OR51B5: variants seen among roughly 807,000 people sequenced by gnomAD.
OR51B5 encodes olfactory receptor 51B5.
For synonymous variants in OR51B5, 186 were observed against 144.8 expected (o/e 1.28, Z -2.04); for missense variants, 456 against 374.6 (o/e 1.22, Z -1.79).
At chr11:5,344,155 G>A (rs375198462), upstream of OR51B5, among the ~76,000 whole-genome samples, 4 of 152,294 alleles carry the variant, frequency 2.6e-5, no homozygotes, top group East Asian at 3.9e-4. Flanking sequence ...CACGATTAGT[G>A]TGAATTACCC....
chr11:5,502,072 A>G (rs1034144573), intron 1 of OR51B5, among the ~76,000 whole-genome samples: 1 of 152,080 alleles, frequency 6.6e-6, no homozygotes, highest in Non-Finnish European at 1.5e-5. Flanking sequence ...TATCTCCAAA[A>G]TATGTTCTCA....
intron 1 of OR51B5, among the ~76,000 whole-genome samples, chr11:5,444,756 T>C (rs1850737549): frequency 1.3e-5 from 2 of 152,088 alleles, no homozygotes; most frequent in Admixed American, 1.3e-4. Context: ...GGAGGGACCA[T>C]GGAAATAACT....
At chr11:5,372,166 A>C (rs1408350992) in intron 1 of OR51B5, among the ~76,000 whole-genome samples, 1 of 152,182 alleles carries the variant, frequency 6.6e-6, no homozygotes, top group Non-Finnish European at 1.5e-5. Context: ...CTGTTCATCT[A>C]TATATAGATA....
At chr11:5,424,356 A>AAAACAAAC (rs575954424) in intron 1 of OR51B5, among the ~76,000 whole-genome samples, 15 of 150,858 alleles carry the variant, frequency 9.9e-5, no homozygotes, top group African/African-American at 3.6e-4. Context: ...AAACAAACAA[A>AAAACAAAC]AAACAAACAA....
At chr11:5,418,757 T>G (rs1850280478) in intron 1 of OR51B5, among the ~76,000 whole-genome samples, 1 of 151,776 alleles carries the variant, frequency 6.6e-6, no homozygotes, top group African/African-American at 2.4e-5. Context: ...AGGGATAGCA[T>G]TAGGAGAAAT....
chr11:5,472,817 T>C (rs1290348487), intron 1 of OR51B5, among the ~76,000 whole-genome samples: 4 of 152,178 alleles, frequency 2.6e-5, no homozygotes, highest in African/African-American at 9.7e-5. Flanking sequence ...TAGGGTTCTT[T>C]CCAGTAAGCA....
chr11:5,426,862 C>T (rs1414510529), intron 1 of OR51B5, among the ~76,000 whole-genome samples: 3 of 152,118 alleles, frequency 2.0e-5, no homozygotes, highest in Admixed American at 2.0e-4. Context: ...ACCAAATAAC[C>T]AGGAAAGATT....
At chr11:5,481,459 T>C (rs1229049905) in intron 1 of OR51B5, among the ~76,000 whole-genome samples, 214 of 121,000 alleles carry the variant, frequency 1.8e-3, no homozygotes, top group African/African-American at 7.1e-3. Flanking sequence ...AAGACAGGGA[T>C]GCCCTCTCTC....
rs1849124331 is a variant in OR51B5 at position 5,352,915 on chromosome 11, C to T, written n.85-6005G>A. On this transcript the variant is annotated intron_variant and non_coding_transcript_variant, in intron 1 of 4. Transcript: ENST00000415970. ...ATATAAATAATATATATATATGAAC[C>T]AATTATATATATAATTCTTGGGTCT... Among the ~76,000 whole-genome samples the T allele has an allele frequency of 2.0e-5, 3 of 147,154 alleles. No homozygotes were observed. The South Asian group carries it at 6.4e-4, about 31-fold the overall frequency.
At chr11:5,401,567 T>C (rs1159677307) in intron 1 of OR51B5, among the ~76,000 whole-genome samples, 2 of 152,258 alleles carry the variant, frequency 1.3e-5, no homozygotes, top group Non-Finnish European at 2.9e-5. Flanking sequence ...TACAATTATA[T>C]TCATTCTTCA....
At chr11:5,441,175 AC>A (rs751969340) in intron 1 of OR51B5, 238 of 1,613,830 alleles carry the variant, frequency 1.5e-4, no homozygotes, top group South Asian at 1.3e-3. Context: ...AGTATGCCTG[AC>A]TCCATGAAGG....
At chr11:5,347,877 C>T (rs375987681), upstream of OR51B5, among the ~76,000 whole-genome samples, 132 of 152,142 alleles carry the variant, frequency 8.7e-4, no homozygotes, top group African/African-American at 3.1e-3. Flanking sequence ...ATAAATGTTC[C>T]TACCAGCCAG....
At position 5,362,968 on chromosome 11, in the gene OR51B5, TAA is replaced by T. The variant is rs776247574; in HGVS notation, n.85-16060_85-16059del. On this transcript the variant is annotated intron_variant and non_coding_transcript_variant, in intron 1 of 4. Coordinates refer to the OR51B5 transcript ENST00000415970. Reference sequence around the variant, plus strand: ...TATAATAAATGCAGATGTATGGCATTAAAAAAAAAAAAGAAATAATAGAAGTT... The same window carrying T: ...TATAATAAATGCAGATGTATGGCATTAAAAAAAAAAGAAATAATAGAAGTT... 441 of 145,094 alleles carry T rather than the reference TAA, an allele frequency of 3.0e-3. 1 individual carries two copies. The highest frequency in any genetic ancestry group is 0.011 in the African/African-American group (404 of 38,104). 9.0% of individuals were successfully genotyped at this position (145,094 alleles called of 1,614,324 possible).
At chr11:5,497,097 T>C (rs182078156) in intron 1 of OR51B5, among the ~76,000 whole-genome samples, 2 of 151,996 alleles carry the variant, frequency 1.3e-5, no homozygotes, top group African/African-American at 4.8e-5. Context: ...GAGAAGGAAT[T>C]CTTTGATCTT....
chr11:5,449,666 A>C (rs1850815444), intron 1 of OR51B5, among the ~76,000 whole-genome samples: 1 of 152,184 alleles, frequency 6.6e-6, no homozygotes, highest in South Asian at 2.1e-4. Context: ...GTGGCTCATT[A>C]ACATTGCTGC....
chr11:5,441,560 G>A (rs1013548927), intron 1 of OR51B5: 1 of 1,433,786 alleles, frequency 7.0e-7, no homozygotes, highest in Non-Finnish European at 9.6e-7. Context: ...GGTGTGTTGG[G>A]AAACTTCTTC....
exon 1 of OR51B5, chr11:5,342,980 A>G: frequency 6.2e-7 from 1 of 1,613,656 alleles, no homozygotes; most frequent in Non-Finnish European, 8.5e-7. Context: ...GAGTTTAATG[A>G]CATCCTGGTG....
chr11:5,441,631 T>C (rs1196172339), intron 1 of OR51B5: 2 of 747,640 alleles, frequency 2.7e-6, no homozygotes, highest in East Asian at 2.7e-5. Context: ...ATTGCCTGTA[T>C]TCCTGCCTTC....
rs563336646 is a variant in OR51B5, at chr11:5,463,798, G to C, written n.84+41771C>G. 3.9e-5 allele frequency among the ~76,000 whole-genome samples: 6 copies of C among 152,316 alleles called. No individual in the cohort carries two copies. In the South Asian group the frequency reaches 1.0e-3, roughly 26 times the overall value. On this transcript the variant is annotated intron_variant and non_coding_transcript_variant, in intron 1 of 4. Coordinates refer to the OR51B5 transcript ENST00000415970. ...GTTTTATGGGAGAAACCTGTCTAAA[G>C]AGATACAGGAGGGATATGTCAACAT...
Sources: gnomAD v4.1 joint callset for allele counts (sites outside exome capture counted in the v4.1 genomes callset) on GRCh38, gnomAD v4.1.1 for gene constraint, MANE v1.5 for transcripts, NCBI Gene and HGNC (gene_info 2026-07-23, HGNC 2026-07-21) for gene names.